Variants in AP2A1 observed in about 807,000 individuals in gnomAD.
AP2A1 encodes the protein AP-2 complex subunit alpha-1.
A neutral mutation model predicts 107.3 loss-of-function variants in AP2A1; 21 were observed. The ratio of observed to expected loss-of-function variants is 0.20; its 90% CI spans 0.14 to 0.28. AP2A1 has a LOEUF of 0.28. Ranked by LOEUF, AP2A1 falls within the 10% of genes least tolerant of loss-of-function variation. The pLI, the probability that AP2A1 is intolerant of heterozygous loss-of-function variation, is 1.00. For missense variants in AP2A1, 873 were observed against 1,307.7 expected, an observed-to-expected ratio of 0.67 and a Z score of 5.13; for synonymous variants, 602 against 564.8, an observed-to-expected ratio of 1.07 and a Z score of -0.93.
At position 49,767,027 on chromosome 19, in the gene AP2A1, T is replaced by G; in HGVS notation, c.-107T>G. 1.9e-6 allele frequency: 2 copies of G among 1,064,150 alleles called. No individual in the cohort carries two copies. The highest frequency in any genetic ancestry group is 2.5e-6 in the Non-Finnish European group (2 of 804,578). The allele number at this position is 1,064,150 out of a possible 1,614,324, so 65.9% of individuals were successfully genotyped here. A position where few individuals can be genotyped will look rare whatever the true frequency, so the allele number is the denominator to read the frequency against. ...CCAGCCAGCCCTCCCCGCGGCCGGC[T>G]CGGCTCCTTGGCGCTGCCTGGGGTC... On this transcript the variant is annotated 5_prime_UTR_variant, in exon 1 of 23. Transcript: ENST00000354293.
intron 4 of AP2A1, among the ~76,000 whole-genome samples, chr19:49,784,952 C>T (rs1000801757): frequency 6.6e-6 from 1 of 152,148 alleles, no homozygotes; most frequent in Admixed American, 6.5e-5. Flanking sequence ...GCAGAGTAGG[C>T]ACAGCCAAAG....
At chr19:49,778,299 G>C (rs1386488208) in intron 1 of AP2A1, among the ~76,000 whole-genome samples, 1 of 152,152 alleles carries the variant, frequency 6.6e-6, no homozygotes, top group East Asian at 1.9e-4. Context: ...AACCTGCACA[G>C]TGGCCAGGCG....
At position 49,788,159 on chromosome 19, in the gene AP2A1, C is replaced by G. The variant is rs2073096788; in HGVS notation, c.474-3776C>G. Among the ~76,000 whole-genome samples the G allele has an allele frequency of 6.6e-6, 1 of 152,024 alleles. No homozygotes were observed. Among genetic ancestry groups the G allele is most frequent in the Non-Finnish European group, 1.5e-5 (1 of 67,982 alleles). On this transcript the variant is annotated intron_variant, in intron 4 of 22. Coordinates refer to ENST00000354293, the MANE Select transcript of AP2A1 (RefSeq NM_130787.3). This position sits in a 1 kb window ranked among gnomAD's most constrained non-coding sequence, Gnocchi z 4.5. ...ACAGGGTCTCACTATATTACCCAGG[C>G]TAGTCTTGAACTCCTGAGCTCAAGT...
chr19:49,803,672 C>T (rs2073322092), intron 18 of AP2A1: 1 of 443,534 alleles, frequency 2.3e-6, no homozygotes, highest in Admixed American at 3.5e-5. Context: ...CCACTGGGCT[C>T]CATGTCATGA....
intron 11 of AP2A1, 159 bp from the exon 12 acceptor site, chr19:49,800,802 G>A: frequency 1.7e-6 from 1 of 576,862 alleles, no homozygotes; most frequent in East Asian, 3.1e-5. Context: ...GTGTGAGCTT[G>A]GGCCCGTCAC....
rs113969807 is a variant in AP2A1 at position 49,798,542 on chromosome 19, C to T, written c.815-260C>T. Among the ~76,000 whole-genome samples, 1,033 of 152,264 alleles carry T rather than the reference C, an allele frequency of 6.8e-3. 11 individuals carry two copies. The highest frequency in any genetic ancestry group is 0.024 in the African/African-American group (980 of 41,538). ...GGCTCACATGGTGCCACCTCTTGCC[C>T]GAGAGGGTCAGAGCAGGAGGAGAGC... is the stretch of plus-strand genomic sequence containing the variant. On this transcript the variant is annotated intron_variant, in intron 7 of 22. Transcript: ENST00000354293.
chr19:49,771,391 G>C (rs2084556094), intron 1 of AP2A1, among the ~76,000 whole-genome samples: 1 of 150,954 alleles, frequency 6.6e-6, no homozygotes, highest in South Asian at 2.1e-4. Context: ...AAAGAACGCT[G>C]AATTGTTCAC....
intron 10 of AP2A1, 65 bp from the exon 11 acceptor site, chr19:49,799,903 G>C: frequency 1.3e-6 from 2 of 1,587,222 alleles, no homozygotes; most frequent in South Asian, 2.3e-5. Context: ...GGTGAGCCCA[G>C]ATCCAGGTGA....
Position 49,799,419 on chromosome 19 carries a change from T to C in AP2A1, c.1058T>C (p.Met353Thr). Reference sequence around the variant, plus strand: ...CTGCGCTACCTGGCCCTGGAGAGCATGTGCACGCTGGCCAGCTCCGAGTTC... The same window carrying C: ...CTGCGCTACCTGGCCCTGGAGAGCACGTGCACGCTGGCCAGCTCCGAGTTC... The part of the protein sequence containing the change: ...TNLRYLALES[M>T]CTLASSEFSH... The change falls in exon 9 of 23, where the codon ATG becomes ACG. Residue 353 changes from methionine to threonine, a missense_variant. By Grantham distance (81) the Met-to-Thr change is moderately conservative. Around this residue, in one of 4 missense-constraint regions of AP2A1, gnomAD observed 213 missense variants for 443.5 expected, o/e 0.48. Coordinates refer to ENST00000354293, the MANE Select transcript of AP2A1 (RefSeq NM_130787.3). 6.2e-7 allele frequency: 1 copy of C among 1,612,150 alleles called. No individual in the cohort carries two copies. The highest frequency in any genetic ancestry group is 8.5e-7 in the Non-Finnish European group (1 of 1,179,398).
chr19:49,805,672 C>A lies in AP2A1; in HGVS notation c.2480C>A (p.Ala827Asp), dbSNP rs539590706. 4 of 1,560,944 alleles carry A rather than the reference C, an allele frequency of 2.6e-6. No homozygotes were observed. The Admixed American group carries it at 7.7e-5, about 30-fold the overall frequency. ...LLSVRFRYGG[A>D]PQALTLKLPV... ...TTTCACCTCATCAGGTACGGTGGCG[C>A]CCCCCAGGCCCTCACCCTGAAGCTC... Residue 827 changes from alanine (A) to aspartate (D), a missense_variant, in exon 20 of 23, where the codon GCC becomes GAC. Ala to Asp is a moderately radical substitution (Grantham distance 126). Around this residue, in one of 4 missense-constraint regions of AP2A1, gnomAD observed 416 missense variants for 473.4 expected, o/e 0.88. Coordinates refer to ENST00000354293, the MANE Select transcript of AP2A1 (RefSeq NM_130787.3).
chr19:49,805,274 C>T (rs1225872160), intron 18 of AP2A1, 179 bp from the exon 19 acceptor site: 5 of 699,172 alleles, frequency 7.2e-6, no homozygotes, highest in Non-Finnish European at 1.1e-5. Context: ...TAGGGGGCGC[C>T]TCAGAGGTTT....
chr19:49,782,166 G>T, intron 3 of AP2A1, 77 bp downstream of exon 3: 1 of 798,572 alleles, frequency 1.3e-6, no homozygotes, highest in Middle Eastern at 3.7e-4. Context: ...TGGACTCCTG[G>T]ATCTGGGGGA....
At chr19:49,802,807 A>G (rs924727757) in intron 15 of AP2A1, 142 bp from the exon 16 acceptor site, 1 of 1,089,870 alleles carries the variant, frequency 9.2e-7, no homozygotes, top group African/African-American at 1.6e-5. Context: ...GATGGATGCG[A>G]GGTTCCTCGA....
intron 4 of AP2A1, among the ~76,000 whole-genome samples, chr19:49,790,744 GTC>G (rs1181505410): frequency 1.3e-5 from 2 of 152,222 alleles, no homozygotes; most frequent in African/African-American, 4.8e-5. Flanking sequence ...GCCTTGCAAA[GTC>G]TGTTCCCTCA....
intron 7 of AP2A1, among the ~76,000 whole-genome samples, chr19:49,798,576 G>C (rs1159758673): frequency 6.6e-6 from 1 of 152,142 alleles, no homozygotes; most frequent in African/African-American, 2.4e-5. Context: ...GCCCAGGTCT[G>C]GGGATAGATC....
rs757950936 is a variant in AP2A1, at chr19:49,802,445, G to C, written c.2114+304G>C. 9.4e-5 allele frequency: 122 copies of C among 1,291,114 alleles called. No individual in the cohort carries two copies. The African/African-American group carries it at 1.5e-3, about 15-fold the overall frequency. 80.0% of individuals were successfully genotyped at this position (1,291,114 alleles called of 1,614,324 possible). On this transcript the variant is annotated intron_variant, in intron 15 of 22. Transcript: ENST00000354293. The stretch of plus-strand genomic sequence containing the variant: ...TTCCCTCTTCCGTCCCTCCCTCTCT[G>C]TCTCTCTTCTGCCCTCTCGCTGCCT...
chr19:49,800,396 G>A (rs997183437), intron 11 of AP2A1, among the ~76,000 whole-genome samples: 2 of 152,218 alleles, frequency 1.3e-5, no homozygotes, highest in Non-Finnish European at 2.9e-5. Flanking sequence ...CCTGGCCCCC[G>A]GATCTCGGTA....
rs1418425703 is a variant in AP2A1 at position 49,787,338 on chromosome 19, G to GTTTTT, written c.474-4593_474-4589dup. Among the ~76,000 whole-genome samples, 34 of 89,758 alleles carry GTTTTT rather than the reference G, an allele frequency of 3.8e-4. 1 individual carries two copies. Among genetic ancestry groups the GTTTTT allele is most frequent in the African/African-American group, 6.9e-4 (14 of 20,332 alleles). 58.9% of individuals were successfully genotyped at this position (89,758 alleles called of 152,430 possible). On this transcript the variant is annotated intron_variant, in intron 4 of 22. Coordinates refer to ENST00000354293, the MANE Select transcript of AP2A1 (RefSeq NM_130787.3). ...ACTCCCATCTAGGCTTTTTTTGTTT[G>GTTTTT]TTTTTTTTGTTTTTTGTTTTTTTTT... is the stretch of plus-strand genomic sequence containing the variant.
chr19:49,799,646 C>T lies in AP2A1; in HGVS notation c.1152C>T (p.Ser384=), dbSNP rs370959134. 2.6e-5 allele frequency: 42 copies of T among 1,610,926 alleles called. No homozygotes were observed. The African/African-American group carries it at 4.8e-4, about 18-fold the overall frequency. ...INALKTERDV[S]VRQRAADLLY... ...GCCCTCAGACGGAGCGGGACGTCAG[C>T]GTGCGGCAGCGGGCGGCTGACCTCC... The change falls in exon 10 of 23, where the codon AGC becomes AGT. Residue 384 remains serine, a synonymous_variant. Coordinates refer to ENST00000354293, the MANE Select transcript of AP2A1 (RefSeq NM_130787.3).
Sources: allele counts gnomAD v4.1 joint callset (sites outside exome capture counted in the v4.1 genomes callset), GRCh38; gene constraint gnomAD v4.1.1; regional missense constraint gnomAD v4.1.1; non-coding constraint Gnocchi (gnomAD v3.1); transcripts MANE v1.5; gene names NCBI Gene and HGNC (gene_info 2026-07-23, HGNC 2026-07-21).